The following L3MBTL2 variants were observed in gnomAD, a reference collection of about 807,000 sequenced individuals.
L3MBTL2 encodes lethal(3)malignant brain tumor-like protein 2.
In L3MBTL2, 49 loss-of-function variants were observed where a neutral mutation model predicts 86.4. The observed-to-expected ratio is 0.57, with a 90% CI of 0.45 to 0.72. The LOEUF (loss-of-function observed/expected upper bound fraction) is 0.72. L3MBTL2 is among the 30% of genes least tolerant of loss of function. L3MBTL2 has a pLI of 0.00. For missense variants in L3MBTL2, 755 were observed against 923.7 expected (o/e 0.82, Z 2.37); for synonymous variants, 336 against 350.6 (o/e 0.96, Z 0.47).
intron 2 of L3MBTL2, 118 bp downstream of exon 2, chr22:41,210,051 T>C (rs1007292297): frequency 5.7e-6 from 8 of 1,401,320 alleles, no homozygotes; most frequent in Non-Finnish European, 7.7e-6. Flanking sequence ...TTAACTCTGA[T>C]TTCTAAGGGA....
chr22:41,219,568 G>T, intron 6 of L3MBTL2, 32 bp downstream of exon 6: 1 of 1,417,480 alleles, frequency 7.1e-7, no homozygotes, highest in Admixed American at 1.7e-5. Flanking sequence ...GGCCAGGGAT[G>T]TGTCTGCAGA....
chr22:41,210,328 TTTTG>T (rs772349696), intron 2 of L3MBTL2, among the ~76,000 whole-genome samples: 20 of 151,976 alleles, frequency 1.3e-4, no homozygotes, highest in South Asian at 4.2e-4. Context: ...TTTTGTATTT[TTTTG>T]TTTGTTTGTT....
chr22:41,229,721 C>T lies in L3MBTL2; in HGVS notation c.2005+65C>T, dbSNP rs762389766. On this transcript the variant is annotated intron_variant, in intron 16 of 16. Coordinates refer to ENST00000216237, the MANE Select transcript of L3MBTL2 (RefSeq NM_031488.5). ...CTCCGTGCTCAGAGACGACCCTTCT[C>T]CTTCCCCACCTGGGCACAGAAGAGT... is the stretch of plus-strand genomic sequence containing the variant. 10 of 1,611,884 alleles carry T rather than the reference C, an allele frequency of 6.2e-6. No homozygotes were observed. The highest frequency in any genetic ancestry group is 8.5e-6 in the Non-Finnish European group (10 of 1,179,776).
At chr22:41,216,292 G>T in intron 4 of L3MBTL2, 30 bp downstream of exon 4, 1 of 1,601,328 alleles carries the variant, frequency 6.2e-7, no homozygotes, top group Non-Finnish European at 8.5e-7. Flanking sequence ...TGCTTAGGAA[G>T]CTGCCGTGGC....
At chr22:41,221,841 G>A (rs2031845663) in intron 8 of L3MBTL2, among the ~76,000 whole-genome samples, 1 of 151,744 alleles carries the variant, frequency 6.6e-6, no homozygotes, top group Non-Finnish European at 1.5e-5. Flanking sequence ...CTGACCTCGT[G>A]ATCCATCTGC....
chr22:41,212,396 C>G (rs1466754245), intron 2 of L3MBTL2, among the ~76,000 whole-genome samples: 2 of 125,828 alleles, frequency 1.6e-5, no homozygotes, highest in African/African-American at 3.0e-5. Flanking sequence ...TAGGTTCAGG[C>G]TTTTTTTTTT....
intron 8 of L3MBTL2, among the ~76,000 whole-genome samples, chr22:41,223,711 A>C (rs1195000345): frequency 6.6e-6 from 1 of 152,208 alleles, no homozygotes; most frequent in Non-Finnish European, 1.5e-5. Context: ...ACTTTTCCTT[A>C]GTCTAAAGTG....
chr22:41,219,684 C>T (rs569735721), intron 6 of L3MBTL2, 148 bp downstream of exon 6: 26 of 609,766 alleles, frequency 4.3e-5, no homozygotes, highest in Middle Eastern at 3.3e-4. Context: ...ATTCTTTTAC[C>T]GGAGAAGGGA....
At chr22:41,208,205 C>T (rs1487711868) in intron 1 of L3MBTL2, 1 of 332,550 alleles carries the variant, frequency 3.0e-6, no homozygotes, top group Non-Finnish European at 5.9e-6. Flanking sequence ...GGTTATGGCT[C>T]ACTACAGCCT....
rs2032090831 is a variant in L3MBTL2 at position 41,225,128 on chromosome 22, G to A, written c.1356+57G>A. On this transcript the variant is annotated intron_variant, in intron 11 of 16. Coordinates refer to ENST00000216237, the MANE Select transcript of L3MBTL2 (RefSeq NM_031488.5). This position sits in a 1 kb window ranked among gnomAD's most constrained non-coding sequence, Gnocchi z 4.1. ...ATTTCTGAGCGGGGGGACCCATGTG[G>A]CCCAGAGCTCTAACCCCACTCGCCA... 5 of 1,432,338 alleles carry A rather than the reference G, an allele frequency of 3.5e-6. No homozygotes were observed. The highest frequency in any genetic ancestry group is 2.8e-5 in the African/African-American group (2 of 70,950). 88.7% of individuals were successfully genotyped at this position (1,432,338 alleles called of 1,614,324 possible). A position where few individuals can be genotyped will look rare whatever the true frequency, so the allele number is the denominator to read the frequency against.
rs746404684 is a variant in L3MBTL2, at chr22:41,217,145, G to A, written c.543G>A (p.Trp181Ter). The A allele has an allele frequency of 6.2e-7, 1 of 1,613,932 alleles. No individual in the cohort carries two copies. The highest frequency in any genetic ancestry group is 1.1e-5 in the South Asian group (1 of 91,076). The change falls in exon 5 of 17, where the codon TGG (tryptophan) becomes TGA (stop). Residue 181 changes from tryptophan to a stop codon, truncating the protein, a stop_gained. Coordinates refer to ENST00000216237, the MANE Select transcript of L3MBTL2 (RefSeq NM_031488.5). LOFTEE classifies it high-confidence loss of function. ...GQDALVLGFD[W>*]GKFLKDHSYK... ...CAGCTCTGGTCTTGGGCTTCGACTGGGGGAAGTTCCTGAAGGATCACAGTT... is the reference window on the plus strand; with the variant it reads ...CAGCTCTGGTCTTGGGCTTCGACTGAGGGAAGTTCCTGAAGGATCACAGTT...
chr22:41,224,246 T>A lies in L3MBTL2; in HGVS notation c.1169T>A (p.Met390Lys). 1 of 1,610,230 alleles carries A rather than the reference T, an allele frequency of 6.2e-7. No homozygotes were observed. The highest frequency in any genetic ancestry group is 8.5e-7 in the Non-Finnish European group (1 of 1,177,034). The part of the protein sequence containing the change: ...WSRRVGHGIK[M>K]SERRSDMAHH... ...CGACGTGTGGGCCACGGCATCAAGA[T>A]GTCAGGTTAGCAGAGCCCCAGGCCA... The change falls in exon 9 of 17, where the codon ATG (methionine) becomes AAG (lysine). Residue 390 changes from methionine to lysine, a missense_variant. By Grantham distance (95) the Met-to-Lys change is moderately conservative (BLOSUM62 -1). This residue lies in a region of L3MBTL2 where 634 missense variants were observed against 748.9 expected (regional missense o/e 0.85). Coordinates refer to ENST00000216237, the MANE Select transcript of L3MBTL2 (RefSeq NM_031488.5). The surrounding 1 kb of genome is among the most constrained non-coding windows in gnomAD (Gnocchi z 4.9).
At chr22:41,222,901 A>G (rs1256970390) in intron 8 of L3MBTL2, among the ~76,000 whole-genome samples, 1 of 151,996 alleles carries the variant, frequency 6.6e-6, no homozygotes, top group Non-Finnish European at 1.5e-5. Flanking sequence ...AGTCTGGGCC[A>G]CAGAGCGAGG....
At chr22:41,228,857 A>C (rs981687037) in intron 15 of L3MBTL2, among the ~76,000 whole-genome samples, 2 of 151,918 alleles carry the variant, frequency 1.3e-5, no homozygotes, top group South Asian at 2.1e-4. Context: ...CGCACAAAAA[A>C]AAAAAAAAAA....
At chr22:41,205,564 C>T (rs1468660583) in intron 1 of L3MBTL2, among the ~76,000 whole-genome samples, 178 bp downstream of exon 1, 1 of 152,144 alleles carries the variant, frequency 6.6e-6, no homozygotes, top group African/African-American at 2.4e-5. Flanking sequence ...TGCCCCTCTC[C>T]TGCTGGGGCC....
At chr22:41,214,067 G>A (rs372759292) in intron 3 of L3MBTL2, 41 bp downstream of exon 3, 27 of 1,608,782 alleles carry the variant, frequency 1.7e-5, no homozygotes, top group Non-Finnish European at 2.0e-5. Context: ...TGCCTTTGGT[G>A]CTGAGACAGG....
intron 1 of L3MBTL2, among the ~76,000 whole-genome samples, chr22:41,208,083 C>T (rs1025990141): frequency 5.3e-5 from 8 of 151,962 alleles, no homozygotes; most frequent in Non-Finnish European, 1.2e-4. Flanking sequence ...CCGCCCGCCT[C>T]GGTCACCCAA....
At chr22:41,205,462 T>C in intron 1 of L3MBTL2, 76 bp downstream of exon 1, 1 of 1,529,486 alleles carries the variant, frequency 6.5e-7, no homozygotes, top group Non-Finnish European at 9.1e-7. Context: ...TCTTTAGGGC[T>C]TTTAGCGACG....
At chr22:41,209,634 T>TC (rs1014492654) in intron 1 of L3MBTL2, 62 bp from the exon 2 acceptor site, 6 of 1,452,322 alleles carry the variant, frequency 4.1e-6, no homozygotes, top group Non-Finnish European at 5.8e-6. Flanking sequence ...CTGCAGCTTC[T>TC]CCCCCCGTGC....
Sources: gnomAD v4.1 joint callset for allele counts (sites outside exome capture counted in the v4.1 genomes callset) on GRCh38, gnomAD v4.1.1 for gene constraint, gnomAD v4.1.1 regional missense constraint, Gnocchi (gnomAD v3.1) non-coding constraint, MANE v1.5 for transcripts, NCBI Gene and HGNC (gene_info 2026-07-23, HGNC 2026-07-21) for gene names.